PKD1: variants seen among roughly 807,000 people sequenced by gnomAD.
PKD1 encodes polycystin-1.
A neutral mutation model predicts 361.7 loss-of-function variants in PKD1; 81 were observed. That is an observed-to-expected ratio of 0.22 (90% CI 0.19 to 0.27). The LOEUF (loss-of-function observed/expected upper bound fraction) is 0.27. Ranked by LOEUF, PKD1 falls within the 10% of genes least tolerant of loss-of-function variation. The pLI, the probability that PKD1 is intolerant of heterozygous loss-of-function variation, is 1.00. For missense variants in PKD1, 6,399 were observed against 6,118.3 expected, an observed-to-expected ratio of 1.05 and a Z score of -1.53; for synonymous variants, 3,615 against 2,818.3, an observed-to-expected ratio of 1.28 and a Z score of -8.95.
At chr16:2,107,601 T>C (rs1289666761) in intron 16 of PKD1, 2 of 530,304 alleles carry the variant, frequency 3.8e-6, no homozygotes, top group Non-Finnish European at 6.9e-6. Context: ...GGACAGTGGC[T>C]ACCTCTGGGG....
intron 20 of PKD1, 146 bp downstream of exon 20, chr16:2,105,719 G>A (rs575484597): frequency 1.5e-4 from 186 of 1,274,422 alleles, no homozygotes; most frequent in African/African-American, 3.4e-4. Flanking sequence ...TGCTGGGAGC[G>A]GAAGGTCGGG....
chr16:2,130,158 G>T (rs541072252), intron 1 of PKD1, among the ~76,000 whole-genome samples: 1 of 152,354 alleles, frequency 6.6e-6, no homozygotes, highest in Non-Finnish European at 1.5e-5. Context: ...ACGCAGGCAC[G>T]TTCTGAACGC....
chr16:2,119,336 G>T lies in PKD1; in HGVS notation c.258C>A (p.Leu86=), dbSNP rs1225187971. The T allele has an allele frequency of 5.0e-6, 7 of 1,389,526 alleles. 1 individual carries two copies. In the South Asian group the frequency reaches 8.6e-5, roughly 17 times the overall value. 86.1% of individuals were successfully genotyped at this position (1,389,526 alleles called of 1,614,324 possible). The change falls in exon 2 of 46, where the codon CTC becomes CTA. Residue 86 remains leucine (L), a synonymous_variant. Coordinates refer to ENST00000262304, the MANE Select transcript of PKD1 (RefSeq NM_001009944.3). ...HNLLRALDVG[L]LANLSALAEL... The stretch of plus-strand genomic sequence containing the variant: ...CTGCCAGCGCCGAGAGGTTCGCCAG[G>T]AGCCCAACGTCCAGCGCCCGGAGCA...
chr16:2,091,337 G>C (rs1379423803), intron 42 of PKD1, 86 bp downstream of exon 42: 2 of 608,194 alleles, frequency 3.3e-6, no homozygotes, highest in East Asian at 8.1e-5. Context: ...GCGCTGCGAG[G>C]GGTGAGACGC....
At position 2,088,829 on chromosome 16, in the gene PKD1, C is replaced by T. The variant is rs183689703; in HGVS notation, c.*898G>A. 29 of 633,682 alleles carry T rather than the reference C, an allele frequency of 4.6e-5. No homozygotes were observed. Among genetic ancestry groups the T allele is most frequent in the Admixed American group, 2.1e-4 (7 of 33,340 alleles). The allele number at this position is 633,682 out of a possible 1,614,324, so 39.3% of individuals were successfully genotyped here. A position where few individuals can be genotyped will look rare whatever the true frequency, so the allele number is the denominator to read the frequency against. On this transcript the variant is annotated 3_prime_UTR_variant, in exon 46 of 46. Coordinates refer to ENST00000262304, the MANE Select transcript of PKD1 (RefSeq NM_001009944.3). The stretch of plus-strand genomic sequence containing the variant: ...ACACAGAAGCAGGCACAGCCAGCTC[C>T]GAGGGCCTTGAGGCTGCCTGGGCCA...
chr16:2,118,546 G>C lies in PKD1; in HGVS notation c.530-84C>G. ...CCACATCCGCCCGCCGCACTCACAGGCTCCCATGCTGTTCCCTTGGCCCGG... is the reference window on the plus strand; with the variant it reads ...CCACATCCGCCCGCCGCACTCACAGCCTCCCATGCTGTTCCCTTGGCCCGG... On this transcript the variant is annotated intron_variant, in intron 4 of 45. Transcript: ENST00000262304. This position sits in a 1 kb window ranked among gnomAD's most constrained non-coding sequence, Gnocchi z 6.0. 8.1e-7 allele frequency: 1 copy of C among 1,229,516 alleles called. No individual in the cohort carries two copies. Among genetic ancestry groups the C allele is most frequent in the Non-Finnish European group, 1.2e-6 (1 of 868,776 alleles). The allele number at this position is 1,229,516 out of a possible 1,614,324, so 76.2% of individuals were successfully genotyped here.
chr16:2,090,261 T>TCC (rs547611708), intron 45 of PKD1, 24 bp downstream of exon 45: 48 of 1,606,944 alleles, frequency 3.0e-5, no homozygotes, highest in Non-Finnish European at 4.0e-5. Context: ...CGTGTCCCTC[T>TCC]CCCCCCCACT....
rs779647581 is a variant in PKD1, at chr16:2,106,791, C to A, written c.7209+14G>T. On this transcript the variant is annotated intron_variant, in intron 17 of 45. Transcript: ENST00000262304. This position sits in a 1 kb window ranked among gnomAD's most constrained non-coding sequence, Gnocchi z 6.5. ...ACCCATCCCCAGCCCGCCCACACCC[C>A]GCTCAACACTCACCCCTCGCTTGGA... The A allele has an allele frequency of 6.6e-7, 1 of 1,522,626 alleles. No individual in the cohort carries two copies. The highest frequency in any genetic ancestry group is 9.0e-7 in the Non-Finnish European group (1 of 1,116,948). 94.3% of individuals were successfully genotyped at this position (1,522,626 alleles called of 1,614,324 possible).
In PKD1 at chr16:2,109,637, C is replaced by T. The variant is rs748122121; in HGVS notation, c.5530G>A (p.Gly1844Ser). 4.9e-5 allele frequency: 78 copies of T among 1,600,526 alleles called. No homozygotes were observed. The highest frequency in any genetic ancestry group is 1.0e-4 in the South Asian group (9 of 89,512). Reference protein sequence around the residue: ...NVSWCWAVPGGSSKRGPHVTM... With the variant: ...NVSWCWAVPGSSSKRGPHVTM... ...ACATGAGGGCCACGCTTGCTGCTGC[C>T]GCCGGGCACAGCCCAGCACCAGCTC... Residue 1844 changes from glycine to serine, a missense_variant, in exon 15 of 46, where the codon GGC becomes AGC. Coordinates refer to ENST00000262304, the MANE Select transcript of PKD1 (RefSeq NM_001009944.3).
chr16:2,093,166 G>A (rs1390373443), intron 37 of PKD1, 73 bp from the exon 38 acceptor site: 7 of 1,560,026 alleles, frequency 4.5e-6, no homozygotes, highest in African/African-American at 2.7e-5. Context: ...GCAACGGCTG[G>A]AGCCATGGCT....
In PKD1 at chr16:2,108,764, C is replaced by T. The variant is rs779342040; in HGVS notation, c.6403G>A (p.Ala2135Thr). Residue 2135 changes from alanine to threonine, a missense_variant, in exon 15 of 46, where the codon GCG becomes ACG. By Grantham distance (58) the Ala-to-Thr change is moderately conservative. Transcript: ENST00000262304. ...NASNLVSFFV[A>T]QATVTVQVLA... ...ACCTGGACGGTCACCGTGGCCTGCGCCACGAAGAAGCTCACCAGGTTGGAG... is the reference window on the plus strand; with the variant it reads ...ACCTGGACGGTCACCGTGGCCTGCGTCACGAAGAAGCTCACCAGGTTGGAG... The T allele has an allele frequency of 3.8e-5, 59 of 1,570,626 alleles. No homozygotes were observed. Among genetic ancestry groups the T allele is most frequent in the Non-Finnish European group, 1.1e-5 (13 of 1,159,346 alleles).
In PKD1 at chr16:2,110,381, T is replaced by C; in HGVS notation, c.4786A>G (p.Thr1596Ala). ...ACGGAGCGGAAGGTGTAAGAGATGG[T>C]AGGACCCCCAGGGATGGGCGTGCAG... Reference protein sequence around the residue: ...DRCTPIPGGPTISYTFRSVGT... With the variant: ...DRCTPIPGGPAISYTFRSVGT... The change falls in exon 15 of 46, where the codon ACC becomes GCC. Residue 1596 changes from threonine (T) to alanine (A), a missense_variant. Transcript: ENST00000262304. 1 of 1,612,556 alleles carries C rather than the reference T, an allele frequency of 6.2e-7. No individual in the cohort carries two copies. The highest frequency in any genetic ancestry group is 8.5e-7 in the Non-Finnish European group (1 of 1,179,832).
chr16:2,111,683 C>G lies in PKD1; in HGVS notation c.3484G>C (p.Asp1162His). 6.3e-7 allele frequency: 1 copy of G among 1,580,032 alleles called. No individual in the cohort carries two copies. Among genetic ancestry groups the G allele is most frequent in the Non-Finnish European group, 8.6e-7 (1 of 1,164,472 alleles). Residue 1162 changes from aspartate (D) to histidine (H), a missense_variant, in exon 15 of 46, where the codon GAC (aspartate) becomes CAC (histidine). By Grantham distance (81) the Asp-to-His change is moderately conservative. Coordinates refer to ENST00000262304, the MANE Select transcript of PKD1 (RefSeq NM_001009944.3). ...PSPGGVLYTW[D>H]FGDGSPVLTQ... ...AGGACAGGGGAGCCGTCCCCGAAGT[C>G]CCACGTGTAAAGAACACCCCCAGGC...
rs759882819 is a variant in PKD1, at chr16:2,090,684, A to G, written c.12128T>C (p.Leu4043Pro). ...CGCGCAGTCACCTACCAGGATGGCC[A>G]GCTGGGCGTAGGCTACCCCGAGCAC... ...LVVLGVAYAQ[L>P]AILLVSSCVD... The change falls in exon 44 of 46, where the codon CTG (leucine) becomes CCG (proline). Residue 4043 changes from leucine to proline, a missense_variant. Transcript: ENST00000262304. 2.5e-6 allele frequency: 4 copies of G among 1,612,264 alleles called. No individual in the cohort carries two copies. Among genetic ancestry groups the G allele is most frequent in the Non-Finnish European group, 3.4e-6 (4 of 1,179,924 alleles).
rs2091707094 is a variant in PKD1, at chr16:2,093,629, G to A, written c.10931C>T (p.Pro3644Leu). The change falls in exon 37 of 46, where the codon CCC becomes CTC. Residue 3644 changes from proline (P) to leucine (L), a missense_variant. Coordinates refer to ENST00000262304, the MANE Select transcript of PKD1 (RefSeq NM_001009944.3). ...PAVTPVSARV[P>L]RVRPPHGFAL... ...AAAGCCGTGGGGTGGCCGTACGCGG[G>A]GCACACGTGCGCTCACAGGCGTCAC... 1.2e-6 allele frequency: 2 copies of A among 1,609,746 alleles called. No individual in the cohort carries two copies. Among genetic ancestry groups the A allele is most frequent in the South Asian group, 1.1e-5 (1 of 90,290 alleles).
intron 11 of PKD1, chr16:2,113,733 A>G (rs1046017633): frequency 1.1e-5 from 4 of 355,832 alleles, no homozygotes; most frequent in African/African-American, 4.2e-5. Flanking sequence ...CCTGGTGAAG[A>G]GGCAGGTACC....
At chr16:2,124,734 A>G (rs2092772033) in intron 1 of PKD1, among the ~76,000 whole-genome samples, 2 of 152,208 alleles carry the variant, frequency 1.3e-5, no homozygotes, top group South Asian at 2.1e-4. Flanking sequence ...TGTGGTCAGC[A>G]GCGGGTGTGC....
intron 34 of PKD1, among the ~76,000 whole-genome samples, chr16:2,095,585 T>C (rs1030817539): frequency 6.6e-6 from 1 of 151,708 alleles, no homozygotes; most frequent in Admixed American, 6.6e-5. Context: ...GGACGGAGGG[T>C]GCAGGCTCAG....
intron 39 of PKD1, 104 bp from the exon 40 acceptor site, chr16:2,092,292 A>C (rs1395405094): frequency 1.6e-6 from 2 of 1,279,322 alleles, no homozygotes; most frequent in African/African-American, 3.0e-5. Context: ...GCGCCACCCC[A>C]GGGAACCCTC....
Sources: gnomAD v4.1 joint callset for allele counts (sites outside exome capture counted in the v4.1 genomes callset) on GRCh38, gnomAD v4.1.1 for gene constraint, Gnocchi (gnomAD v3.1) non-coding constraint, MANE v1.5 for transcripts, NCBI Gene and HGNC (gene_info 2026-07-23, HGNC 2026-07-21) for gene names.